Variants in ADIPOR2 observed in about 807,000 individuals in gnomAD.
ADIPOR2 encodes the protein adiponectin receptor protein 2.
A neutral mutation model predicts 40.9 loss-of-function variants in ADIPOR2; 18 were observed. The observed-to-expected ratio is 0.44, with a 90% confidence interval of 0.30 to 0.65. The LOEUF is 0.65. Ranked by LOEUF, ADIPOR2 falls within the 30% of genes least tolerant of loss-of-function variation. The pLI is 0.09. For missense variants in ADIPOR2, 283 were observed against 479.2 expected, an observed-to-expected ratio of 0.59 and a Z score of 3.82; for synonymous variants, 165 against 166.4, an observed-to-expected ratio of 0.99 and a Z score of 0.06.
At position 1,747,060 on chromosome 12, in the gene ADIPOR2, CA is replaced by C. The variant is rs140057679; in HGVS notation, c.-86-7192del. On this transcript the variant is annotated intron_variant, in intron 1 of 7. Transcript: ENST00000357103. The stretch of plus-strand genomic sequence containing the variant: ...CCCCACTAACTCCACTGCCCCCCCC[CA>C]AAAAATAAAAAAAACAAAACAAAAC... 9.5e-4 allele frequency among the ~76,000 whole-genome samples: 140 copies of C among 147,252 alleles called. 1 individual carries two copies. The highest frequency in any genetic ancestry group is 2.0e-3 in the South Asian group (9 of 4,538).
intron 3 of ADIPOR2, among the ~76,000 whole-genome samples, chr12:1,777,340 T>C (rs528166293): frequency 2.0e-5 from 3 of 152,052 alleles, no homozygotes; most frequent in Admixed American, 1.3e-4. Flanking sequence ...GTTTACTCTT[T>C]CCTTTTCCTA....
intron 1 of ADIPOR2, among the ~76,000 whole-genome samples, chr12:1,724,486 G>A (rs1404160797): frequency 6.6e-6 from 1 of 152,140 alleles, no homozygotes; most frequent in African/African-American, 2.4e-5. Context: ...CAGGGGTTGA[G>A]GAGAAGAGGG....
At position 1,700,973 on chromosome 12, in the gene ADIPOR2, C is replaced by T. The variant is rs74629415; in HGVS notation, c.-87+9782C>T. On this transcript the variant is annotated intron_variant, in intron 1 of 7. Transcript: ENST00000357103. ...TACAGAGACCAATATAATTAACATT[C>T]ATATATTAACCATACAGCTGTAGCA... 1.7e-3 allele frequency among the ~76,000 whole-genome samples: 256 copies of T among 151,940 alleles called. 2 individuals carry two copies. Among genetic ancestry groups the T allele is most frequent in the Middle Eastern group, 6.8e-3 (2 of 294 alleles).
At chr12:1,760,583 G>GT (rs1281229653) in intron 2 of ADIPOR2, 1 of 152,134 alleles carries the variant, frequency 6.6e-6, no homozygotes, top group African/African-American at 2.4e-5. Flanking sequence ...GGCATGTGGT[G>GT]TTTTGTATCT....
chr12:1,721,064 C>T (rs1297100864), intron 1 of ADIPOR2, among the ~76,000 whole-genome samples: 3 of 152,162 alleles, frequency 2.0e-5, no homozygotes, highest in Admixed American at 6.5e-5. Context: ...CAATGTACTT[C>T]TTACATATAT....
At chr12:1,741,616 A>C (rs969319946) in intron 1 of ADIPOR2, among the ~76,000 whole-genome samples, 5 of 152,222 alleles carry the variant, frequency 3.3e-5, no homozygotes, top group Non-Finnish European at 5.9e-5. Context: ...AGGCAGGTAA[A>C]CAATGCTATG....
chr12:1,754,169 G>A lies in ADIPOR2; in HGVS notation c.-86-89G>A. The A allele has an allele frequency of 4.1e-6, 2 of 491,008 alleles. 1 individual carries two copies. 30.4% of individuals were successfully genotyped at this position (491,008 alleles called of 1,614,324 possible). A position where few individuals can be genotyped will look rare whatever the true frequency, so the allele number is the denominator to read the frequency against. On this transcript the variant is annotated intron_variant, in intron 1 of 7. Coordinates refer to ENST00000357103, the MANE Select transcript of ADIPOR2 (RefSeq NM_024551.3). Reference sequence around the variant, plus strand: ...TTATTCTTTTATTATTGATTGCTGAGTATTCTGTCGTTTGGATATGTGATA... The same window carrying A: ...TTATTCTTTTATTATTGATTGCTGAATATTCTGTCGTTTGGATATGTGATA...
chr12:1,757,014 AG>A (rs1039405226), intron 2 of ADIPOR2, among the ~76,000 whole-genome samples: 2 of 152,186 alleles, frequency 1.3e-5, no homozygotes, highest in African/African-American at 4.8e-5. Context: ...AGATATATTG[AG>A]GAGTCAGTAA....
At chr12:1,726,081 C>T (rs2094707350) in intron 1 of ADIPOR2, among the ~76,000 whole-genome samples, 2 of 152,182 alleles carry the variant, frequency 1.3e-5, no homozygotes, top group Non-Finnish European at 2.9e-5. Flanking sequence ...TTAACAATTT[C>T]TTCAGGCAGA....
chr12:1,781,792 C>G (rs1329919659), intron 6 of ADIPOR2, among the ~76,000 whole-genome samples: 1 of 152,164 alleles, frequency 6.6e-6, no homozygotes, highest in Admixed American at 6.5e-5. Context: ...GTATTAAAAT[C>G]TAAACCCTGG....
chr12:1,764,558 AAC>A lies in ADIPOR2; in HGVS notation c.172-8253_172-8252del, dbSNP rs59660682. ...CAACAAAAACCTTATTAAAGTATTAAACACACACACACACACACACACACACA... is the reference window on the plus strand; with the variant it reads ...CAACAAAAACCTTATTAAAGTATTAAACACACACACACACACACACACACA... On this transcript the variant is annotated intron_variant, in intron 2 of 7. Transcript: ENST00000357103. 5.0e-3 allele frequency among the ~76,000 whole-genome samples: 593 copies of A among 119,052 alleles called. 2 individuals carry two copies. Among genetic ancestry groups the A allele is most frequent in the East Asian group, 0.014 (60 of 4,404 alleles). 78.1% of individuals were successfully genotyped at this position (119,052 alleles called of 152,430 possible). A position where few individuals can be genotyped will look rare whatever the true frequency, so the allele number is the denominator to read the frequency against.
chr12:1,784,147 A>G, intron 7 of ADIPOR2, 74 bp downstream of exon 7: 1 of 1,429,138 alleles, frequency 7.0e-7, no homozygotes, highest in Non-Finnish European at 9.3e-7. Flanking sequence ...GTGATGCAAT[A>G]GAAAAAGTTT....
chr12:1,724,362 C>CT (rs2094703712), intron 1 of ADIPOR2, among the ~76,000 whole-genome samples: 2 of 152,136 alleles, frequency 1.3e-5, no homozygotes, highest in South Asian at 2.1e-4. Context: ...GAACAATACA[C>CT]TAAGTGAAAC....
intron 6 of ADIPOR2, among the ~76,000 whole-genome samples, chr12:1,783,020 T>C (rs1862755068): frequency 6.7e-6 from 1 of 148,498 alleles, no homozygotes; most frequent in South Asian, 2.1e-4. Context: ...AGTCTTGCTT[T>C]GTAGCCCAGG....
chr12:1,722,175 G>T (rs1565637485), intron 1 of ADIPOR2, among the ~76,000 whole-genome samples: 1 of 152,196 alleles, frequency 6.6e-6, no homozygotes, highest in Non-Finnish European at 1.5e-5. Context: ...GAGTAAATTA[G>T]TGGAGAAAAA....
intron 1 of ADIPOR2, among the ~76,000 whole-genome samples, chr12:1,723,560 G>C (rs1403354063): frequency 6.6e-6 from 1 of 151,778 alleles, no homozygotes; most frequent in Non-Finnish European, 1.5e-5. Context: ...AGAATTGCTT[G>C]AAGCGAGAGG....
At chr12:1,705,186 C>T (rs2094659534) in intron 1 of ADIPOR2, among the ~76,000 whole-genome samples, 1 of 152,116 alleles carries the variant, frequency 6.6e-6, no homozygotes, top group Admixed American at 6.5e-5. Flanking sequence ...TTTATCTGAA[C>T]AGATTTTATT....
chr12:1,692,930 A>C (rs1464064422), intron 1 of ADIPOR2, among the ~76,000 whole-genome samples: 3 of 152,070 alleles, frequency 2.0e-5, no homozygotes, highest in African/African-American at 7.2e-5. Flanking sequence ...CGAGGCGGGC[A>C]GATAACCTGA....
At chr12:1,772,689 T>C in intron 2 of ADIPOR2, 153 bp from the exon 3 acceptor site, 1 of 908,554 alleles carries the variant, frequency 1.1e-6, no homozygotes, top group Non-Finnish European at 1.5e-6. Context: ...TACTAATAAT[T>C]CTATAATAAA....
Sources: gnomAD v4.1 joint callset for allele counts (sites outside exome capture counted in the v4.1 genomes callset) on GRCh38, gnomAD v4.1.1 for gene constraint, MANE v1.5 for transcripts, NCBI Gene and HGNC (gene_info 2026-07-23, HGNC 2026-07-21) for gene names.